The following DPP6 variants were observed in gnomAD, a reference collection of about 807,000 sequenced individuals.
DPP6 encodes the protein dipeptidyl peptidase like 6.
A neutral mutation model predicts 122.6 loss-of-function variants in DPP6; 69 were observed. That is an observed-to-expected ratio of 0.56 (90% CI 0.46 to 0.69). The LOEUF is 0.69. Among genes scored for constraint, DPP6 ranks in the 30% least tolerant of loss-of-function variants. The pLI, the probability that DPP6 is intolerant of heterozygous loss-of-function variation, is 0.00. For missense variants in DPP6, 928 were observed against 1,116.9 expected, an observed-to-expected ratio of 0.83 and a Z score of 2.41; for synonymous variants, 418 against 433.1, an observed-to-expected ratio of 0.97 and a Z score of 0.43.
chr7:154,034,164 C>G (rs375526001), intron 1 of DPP6, among the ~76,000 whole-genome samples: 1 of 152,162 alleles, frequency 6.6e-6, no homozygotes, highest in East Asian at 1.9e-4. Flanking sequence ...TGAATTTGTT[C>G]CTTCTAGGAA....
intron 1 of DPP6, among the ~76,000 whole-genome samples, chr7:153,903,022 C>T (rs1046549591): frequency 2.6e-5 from 4 of 152,172 alleles, no homozygotes; most frequent in African/African-American, 9.7e-5. Flanking sequence ...TACAGACACC[C>T]AGTAAGAGGA....
At position 154,348,208 on chromosome 7, in the gene DPP6, ATATACT is replaced by A. The variant is rs1396122218; in HGVS notation, c.244-98001_244-97996del. On this transcript the variant is annotated intron_variant, in intron 1 of 25. Coordinates refer to ENST00000377770, the MANE Select transcript of DPP6 (RefSeq NM_130797.4). ...TCTTTTCTGAGCTTCTGAAAGTCAA[ATATACT>A]TATATTAATTTTTTAAAGTGATCTG... is the stretch of plus-strand genomic sequence containing the variant. 1.2e-4 allele frequency among the ~76,000 whole-genome samples: 19 copies of A among 152,300 alleles called. No individual in the cohort carries two copies. The South Asian group carries it at 3.5e-3, about 28-fold the overall frequency.
intron 16 of DPP6, among the ~76,000 whole-genome samples, chr7:154,816,320 T>C (rs1799423760): frequency 6.6e-6 from 1 of 152,248 alleles, no homozygotes; most frequent in South Asian, 2.1e-4. Context: ...TATTACAGTA[T>C]ATTGTTATAA....
At chr7:154,789,059 C>G (rs1797512513) in intron 10 of DPP6, among the ~76,000 whole-genome samples, 1 of 152,164 alleles carries the variant, frequency 6.6e-6, no homozygotes, top group Non-Finnish European at 1.5e-5. Context: ...CCTCACAGTT[C>G]CGCACCTCAG....
chr7:153,865,134 T>TAC, the DPP6 span, among the ~76,000 whole-genome samples: 1 of 151,860 alleles, frequency 6.6e-6, no homozygotes, highest in African/African-American at 2.4e-5. Flanking sequence ...AAATGTATTT[T>TAC]ACACACACAC....
intron 1 of DPP6, among the ~76,000 whole-genome samples, chr7:154,272,878 C>G (rs1394020487): frequency 1.3e-5 from 2 of 152,184 alleles, no homozygotes; most frequent in Admixed American, 6.5e-5. Flanking sequence ...TCCATCCTGT[C>G]TCCACATCTG....
chr7:154,392,099 C>T (rs1175517669), intron 1 of DPP6, among the ~76,000 whole-genome samples: 1 of 152,124 alleles, frequency 6.6e-6, no homozygotes, highest in African/African-American at 2.4e-5. Context: ...CATGGTGAAA[C>T]CCTGTCTCTA....
the DPP6 span, among the ~76,000 whole-genome samples, chr7:153,765,541 T>TAAA: frequency 9.7e-6 from 1 of 102,654 alleles, no homozygotes. Flanking sequence ...AAACTTCATG[T>TAAA]AAAAAAACAA....
chr7:154,493,905 T>C (rs1824502504), intron 3 of DPP6, among the ~76,000 whole-genome samples: 1 of 152,186 alleles, frequency 6.6e-6, no homozygotes, highest in Non-Finnish European at 1.5e-5. Flanking sequence ...TATAGATCCT[T>C]TCAAACATGG....
rs370604040 is a variant in DPP6, at chr7:154,892,789, C to T, written c.*309C>T. ...CAGAGCAAAGGATGGTGGCCGCAGG[C>T]CCCACGCGAGCCCACAGGACACCGG... On this transcript the variant is annotated 3_prime_UTR_variant, in exon 26 of 26. Coordinates refer to ENST00000377770, the MANE Select transcript of DPP6 (RefSeq NM_130797.4). 2.5e-5 allele frequency: 15 copies of T among 599,372 alleles called. No individual in the cohort carries two copies. The highest frequency in any genetic ancestry group is 4.8e-5 in the Non-Finnish European group (15 of 315,318). 37.1% of individuals were successfully genotyped at this position (599,372 alleles called of 1,614,324 possible).
At chr7:154,443,218 T>C (rs1819531922) in intron 1 of DPP6, among the ~76,000 whole-genome samples, 2 of 152,234 alleles carry the variant, frequency 1.3e-5, no homozygotes, top group Non-Finnish European at 2.9e-5. Context: ...TCTATTCAGA[T>C]GTCACTTTGC....
chr7:154,359,336 A>C (rs546879455), intron 1 of DPP6, among the ~76,000 whole-genome samples: 159 of 152,120 alleles, frequency 1.0e-3, no homozygotes, highest in African/African-American at 3.7e-3. Context: ...ACAGAGAAGC[A>C]CCCCTGCCCC....
chr7:154,329,902 A>G (rs1407894479), intron 1 of DPP6, among the ~76,000 whole-genome samples: 1 of 152,232 alleles, frequency 6.6e-6, no homozygotes, highest in African/African-American at 2.4e-5. Context: ...GCTGGAAACC[A>G]TCATTCTCAG....
chr7:154,421,562 G>A (rs1817475268), intron 1 of DPP6, among the ~76,000 whole-genome samples: 1 of 152,110 alleles, frequency 6.6e-6, no homozygotes, highest in South Asian at 2.1e-4. Flanking sequence ...GACCTCAGGT[G>A]ATCTGCCCAC....
intron 7 of DPP6, among the ~76,000 whole-genome samples, chr7:154,680,500 G>A (rs1190147855): frequency 2.0e-5 from 3 of 152,148 alleles, no homozygotes; most frequent in Non-Finnish European, 4.4e-5. Flanking sequence ...TAGGAAGACT[G>A]CATGGGAGCA....
In DPP6 at chr7:154,892,549, C is replaced by T; in HGVS notation, c.*69C>T. 6.3e-7 allele frequency: 1 copy of T among 1,594,132 alleles called. No individual in the cohort carries two copies. The highest frequency in any genetic ancestry group is 8.6e-7 in the Non-Finnish European group (1 of 1,168,548). Reference sequence around the variant, plus strand: ...GATGCAACCGAGGGATTTCCCTGCCCTCCCTCTTCCCTCGGAGGGGCGGGG... The same window carrying T: ...GATGCAACCGAGGGATTTCCCTGCCTTCCCTCTTCCCTCGGAGGGGCGGGG... On this transcript the variant is annotated 3_prime_UTR_variant, in exon 26 of 26. Coordinates refer to ENST00000377770, the MANE Select transcript of DPP6 (RefSeq NM_130797.4).
intron 16 of DPP6, among the ~76,000 whole-genome samples, chr7:154,850,172 C>A (rs1191024393): frequency 2.0e-5 from 3 of 152,168 alleles, no homozygotes; most frequent in African/African-American, 7.2e-5. Context: ...AATTTGTAGT[C>A]TTTTATCCCT....
At chr7:153,870,210 T>C in the DPP6 span, among the ~76,000 whole-genome samples, 2 of 152,240 alleles carry the variant, frequency 1.3e-5, no homozygotes, top group South Asian at 4.1e-4. Context: ...CTTGCTAGAT[T>C]GGGGAAGTTC....
At chr7:154,088,012 T>G (rs1199594036) in intron 1 of DPP6, among the ~76,000 whole-genome samples, 2 of 152,132 alleles carry the variant, frequency 1.3e-5, no homozygotes, top group African/African-American at 2.4e-5. Flanking sequence ...TTCCTGGGTG[T>G]GCTGGGATGG....
Sources: allele counts gnomAD v4.1 joint callset (sites outside exome capture counted in the v4.1 genomes callset), GRCh38; gene constraint gnomAD v4.1.1; transcripts MANE v1.5; gene names NCBI Gene and HGNC (gene_info 2026-07-23, HGNC 2026-07-21).